EFNA5: variants seen among roughly 807,000 people sequenced by gnomAD.
EFNA5 encodes ephrin A5.
In EFNA5, 5 loss-of-function variants were observed where a neutral mutation model predicts 22.9. The ratio of observed to expected loss-of-function variants is 0.22; its 90% CI spans 0.11 to 0.46. The LOEUF is 0.46. EFNA5 is among the 20% of genes least tolerant of loss of function. The probability of loss-of-function intolerance (pLI) is 0.99; values close to 1 mark genes in which losing one functional copy is unlikely to be tolerated. For synonymous variants in EFNA5, 113 were observed against 112.2 expected (o/e 1.01, Z -0.04); for missense variants, 237 against 293.3 (o/e 0.81, Z 1.40).
chr5:107,388,553 G>C (rs933725402), intron 2 of EFNA5: 9 of 151,966 alleles, frequency 5.9e-5, no homozygotes, highest in Admixed American at 4.6e-4. Flanking sequence ...TCCTTTTCAA[G>C]ATAATAAGAC....
At chr5:107,433,966 T>A (rs561654144) in intron 1 of EFNA5, among the ~76,000 whole-genome samples, 1 of 151,470 alleles carries the variant, frequency 6.6e-6, no homozygotes, top group South Asian at 2.1e-4. Flanking sequence ...ATGACTTGAG[T>A]CTCAGAATTC....
chr5:107,561,529 C>T (rs1245285817), intron 1 of EFNA5, among the ~76,000 whole-genome samples: 6 of 152,084 alleles, frequency 3.9e-5, no homozygotes, highest in East Asian at 3.9e-4. Context: ...CCACCATGCC[C>T]GGCTAATATT....
At chr5:107,527,488 T>C (rs1208996305) in intron 1 of EFNA5, among the ~76,000 whole-genome samples, 1 of 151,948 alleles carries the variant, frequency 6.6e-6, no homozygotes, top group African/African-American at 2.4e-5. Flanking sequence ...GGTTTCACCA[T>C]GTTGGCCAGG....
intron 1 of EFNA5, among the ~76,000 whole-genome samples, chr5:107,576,687 G>A (rs1363513558): frequency 6.6e-6 from 1 of 152,212 alleles, no homozygotes; most frequent in African/African-American, 2.4e-5. Flanking sequence ...CACAATGGCT[G>A]TTTATAAAGG....
At chr5:107,605,334 G>A (rs1015709013) in intron 1 of EFNA5, among the ~76,000 whole-genome samples, 1 of 152,108 alleles carries the variant, frequency 6.6e-6, no homozygotes, top group African/African-American at 2.4e-5. Context: ...GCACATTAAT[G>A]ACAAAAGTTA....
chr5:107,640,055 C>T (rs1345451228), intron 1 of EFNA5, among the ~76,000 whole-genome samples: 4 of 152,072 alleles, frequency 2.6e-5, no homozygotes, highest in African/African-American at 7.2e-5. Flanking sequence ...TGGGATATGC[C>T]TCATATAACT....
At chr5:107,594,448 T>C (rs1417570464) in intron 1 of EFNA5, among the ~76,000 whole-genome samples, 3 of 152,148 alleles carry the variant, frequency 2.0e-5, no homozygotes, top group Non-Finnish European at 2.9e-5. Flanking sequence ...GCCAGGTCAC[T>C]GCAGGGTGTG....
At chr5:107,495,425 C>T (rs1746950172) in intron 1 of EFNA5, among the ~76,000 whole-genome samples, 1 of 152,224 alleles carries the variant, frequency 6.6e-6, no homozygotes, top group African/African-American at 2.4e-5. Context: ...AAACTCCAGA[C>T]GCGCCACCTT....
At chr5:107,669,634 C>G (rs1401372278) in intron 1 of EFNA5, among the ~76,000 whole-genome samples, 1 of 152,128 alleles carries the variant, frequency 6.6e-6, no homozygotes, top group East Asian at 1.9e-4. Context: ...CTCTAGTCTC[C>G]CGCATACCCG....
intron 4 of EFNA5, among the ~76,000 whole-genome samples, chr5:107,383,814 A>G (rs75942972): frequency 0.02 from 3,077 of 152,344 alleles, 83 homozygotes; most frequent in African/African-American, 0.069. Flanking sequence ...AGATCTTACA[A>G]GGTAATGGAG....
At chr5:107,503,417 C>G (rs1747179873) in intron 1 of EFNA5, among the ~76,000 whole-genome samples, 1 of 152,210 alleles carries the variant, frequency 6.6e-6, no homozygotes, top group South Asian at 2.1e-4. Flanking sequence ...ATTAAGGATT[C>G]TGAATAATGT....
At chr5:107,629,380 A>G (rs1390868934) in intron 1 of EFNA5, among the ~76,000 whole-genome samples, 1 of 152,114 alleles carries the variant, frequency 6.6e-6, no homozygotes, top group African/African-American at 2.4e-5. Flanking sequence ...CACACATTGC[A>G]TTTTGGGGGC....
At chr5:107,617,992 GTC>G (rs1280410582) in intron 1 of EFNA5, among the ~76,000 whole-genome samples, 1 of 151,836 alleles carries the variant, frequency 6.6e-6, no homozygotes, top group African/African-American at 2.4e-5. Context: ...GCAAGACGCT[GTC>G]TCTGTTTAAA....
chr5:107,447,727 C>A (rs1431895291), intron 1 of EFNA5, among the ~76,000 whole-genome samples: 4 of 152,070 alleles, frequency 2.6e-5, no homozygotes, highest in Admixed American at 2.6e-4. Context: ...AATGTACAGA[C>A]CCAAAGAAAT....
chr5:107,633,853 C>T (rs760605731), intron 1 of EFNA5, among the ~76,000 whole-genome samples: 6 of 152,094 alleles, frequency 3.9e-5, no homozygotes, highest in Non-Finnish European at 8.8e-5. Flanking sequence ...GCCACAGATC[C>T]AAAGAACTTT....
intron 1 of EFNA5, among the ~76,000 whole-genome samples, chr5:107,534,523 A>T (rs918152908): frequency 1.3e-5 from 2 of 152,218 alleles, no homozygotes; most frequent in Non-Finnish European, 2.9e-5. Context: ...AAATACACTC[A>T]GCACAATTTT....
At position 107,627,990 on chromosome 5, in the gene EFNA5, A is replaced by G. The variant is rs774798309; in HGVS notation, c.125+42499T>C. Among the ~76,000 whole-genome samples, 5 of 152,356 alleles carry G rather than the reference A, an allele frequency of 3.3e-5. No individual in the cohort carries two copies. The East Asian group carries it at 5.8e-4, about 18-fold the overall frequency. ...TCAAGATTAACTAGGCTAGATCTAT[A>G]GTAATATATCATTCAAATAATAAAA... is the stretch of plus-strand genomic sequence containing the variant. On this transcript the variant is annotated intron_variant, in intron 1 of 4. Coordinates refer to ENST00000333274, the MANE Select transcript of EFNA5 (RefSeq NM_001962.3).
At chr5:107,472,314 C>T (rs996972422) in intron 1 of EFNA5, among the ~76,000 whole-genome samples, 1 of 152,092 alleles carries the variant, frequency 6.6e-6, no homozygotes, top group African/African-American at 2.4e-5. Flanking sequence ...ATATTTTTAT[C>T]GTAAGCGTCT....
intron 1 of EFNA5, among the ~76,000 whole-genome samples, chr5:107,458,279 G>A (rs902003363): frequency 2.0e-5 from 3 of 152,060 alleles, no homozygotes; most frequent in Non-Finnish European, 4.4e-5. Context: ...TTAACTATGT[G>A]CTATGTATCA....
Sources: allele counts gnomAD v4.1 joint callset (sites outside exome capture counted in the v4.1 genomes callset), GRCh38; gene constraint gnomAD v4.1.1; transcripts MANE v1.5; gene names NCBI Gene and HGNC (gene_info 2026-07-23, HGNC 2026-07-21).